CADM2: variants seen among roughly 807,000 people sequenced by gnomAD.
The protein encoded by CADM2 is immunoglobulin superfamily member 4D.
Under a neutral mutation model 49.8 loss-of-function variants are expected in CADM2, and 12 were observed. That is an observed-to-expected ratio of 0.24 (90% CI 0.15 to 0.39). The LOEUF is 0.39. Ranked by LOEUF, CADM2 falls within the 10% of genes least tolerant of loss-of-function variation. CADM2 has a pLI of 1.00. For missense variants in CADM2, 378 were observed against 492.3 expected (o/e 0.77, Z 2.20); for synonymous variants, 214 against 175.4 (o/e 1.22, Z -1.74).
At chr3:85,280,977 C>T (rs1156428126) in intron 1 of CADM2, among the ~76,000 whole-genome samples, 1 of 151,598 alleles carries the variant, frequency 6.6e-6, no homozygotes, top group African/African-American at 2.4e-5. Context: ...ACACAAAGTA[C>T]TCTATTGTAG....
In CADM2 at chr3:85,568,473, C is replaced by CCCTTTCTTTCTTTCTTTCTT. The variant is rs1553743644; in HGVS notation, c.62-158049_62-158048insCCTTTCTTTCTTTCTTTCTT. On this transcript the variant is annotated intron_variant, in intron 1 of 9. Coordinates refer to ENST00000383699, the MANE Select transcript of CADM2 (RefSeq NM_001167675.2). ...TTTCTTTCTTTCTTTCTCTTTCTCTCTCTTTCTTTCTTTCTTTCTTTCTTT... is the reference window on the plus strand; with the variant it reads ...TTTCTTTCTTTCTTTCTCTTTCTCTCCCTTTCTTTCTTTCTTTCTTTCTTTCTTTCTTTCTTTCTTTCTTT... 7.2e-5 allele frequency among the ~76,000 whole-genome samples: 2 copies of CCCTTTCTTTCTTTCTTTCTT among 27,612 alleles called. 1 individual carries two copies. The highest frequency in any genetic ancestry group is 2.2e-4 in the Non-Finnish European group (2 of 8,968). The allele number at this position is 27,612 out of a possible 152,430, so 18.1% of individuals were successfully genotyped here. A position where few individuals can be genotyped will look rare whatever the true frequency, so the allele number is the denominator to read the frequency against.
chr3:85,415,982 A>C (rs1253790197), intron 1 of CADM2, among the ~76,000 whole-genome samples: 1 of 152,128 alleles, frequency 6.6e-6, no homozygotes, highest in Non-Finnish European at 1.5e-5. Context: ...ATGCCAATGC[A>C]ATTTAGAAGC....
Position 85,321,126 on chromosome 3 carries a change from T to A in CADM2, c.61+361458T>A, listed in dbSNP as rs1393163548. Among the ~76,000 whole-genome samples, 67 of 10,130 alleles carry A rather than the reference T, an allele frequency of 6.6e-3. 2 individuals carry two copies. Among genetic ancestry groups the A allele is most frequent in the Middle Eastern group, 0.029 (1 of 34 alleles). 6.6% of individuals were successfully genotyped at this position (10,130 alleles called of 152,430 possible). ...TATATATATATATATATTTTTTTTT[T>A]TTTTTTTTTTTTTTTTTTTTTTTTT... is the stretch of plus-strand genomic sequence containing the variant. On this transcript the variant is annotated intron_variant, in intron 1 of 9. Coordinates refer to ENST00000383699, the MANE Select transcript of CADM2 (RefSeq NM_001167675.2).
chr3:85,241,890 A>G (rs1007033568), intron 1 of CADM2, among the ~76,000 whole-genome samples: 2 of 151,572 alleles, frequency 1.3e-5, no homozygotes, highest in Non-Finnish European at 3.0e-5. Flanking sequence ...AACATATAAT[A>G]AATTTTCTGA....
At chr3:85,329,459 A>G (rs2044851675) in intron 1 of CADM2, among the ~76,000 whole-genome samples, 1 of 151,976 alleles carries the variant, frequency 6.6e-6, no homozygotes, top group Non-Finnish European at 1.5e-5. Flanking sequence ...AATCCCAGCT[A>G]CTTGAGAGGC....
chr3:84,991,264 T>C (rs1037210925), intron 1 of CADM2, among the ~76,000 whole-genome samples: 1 of 147,622 alleles, frequency 6.8e-6, no homozygotes, highest in Non-Finnish European at 1.5e-5. Context: ...CATTGGAATT[T>C]TCCCGAGGGA....
At chr3:84,984,370 A>C (rs964114665) in intron 1 of CADM2, among the ~76,000 whole-genome samples, 5 of 143,002 alleles carry the variant, frequency 3.5e-5, no homozygotes, top group Non-Finnish European at 7.5e-5. Flanking sequence ...AAAAAAAAAA[A>C]AAAAAAAAAA....
At chr3:85,542,079 A>C (rs17517142) in intron 1 of CADM2, among the ~76,000 whole-genome samples, 77,718 of 151,552 alleles carry the variant, frequency 0.51, 22,998 homozygotes, top group East Asian at 0.85. Flanking sequence ...ATGGCAGCTC[A>C]TAACTTTTGC....
At chr3:85,919,340 T>G (rs944527083) in intron 6 of CADM2, among the ~76,000 whole-genome samples, 1 of 151,878 alleles carries the variant, frequency 6.6e-6, no homozygotes, top group Admixed American at 6.6e-5. Flanking sequence ...AGACCCTGCA[T>G]GTACACCCAA....
intron 1 of CADM2, among the ~76,000 whole-genome samples, chr3:85,296,062 G>A (rs1322444992): frequency 1.3e-5 from 2 of 151,752 alleles, no homozygotes; most frequent in Non-Finnish European, 2.9e-5. Flanking sequence ...AATAATAAAA[G>A]CCACTATGAT....
At chr3:85,718,991 C>T (rs2067404040) in intron 1 of CADM2, among the ~76,000 whole-genome samples, 1 of 151,306 alleles carries the variant, frequency 6.6e-6, no homozygotes. Flanking sequence ...CAGTTCACTG[C>T]AACCTCCACT....
chr3:85,586,495 C>A (rs1336479374), intron 1 of CADM2, among the ~76,000 whole-genome samples: 1 of 152,030 alleles, frequency 6.6e-6, no homozygotes, highest in South Asian at 2.1e-4. Context: ...AATACAGTTG[C>A]TATTTCCCAT....
intron 1 of CADM2, among the ~76,000 whole-genome samples, chr3:85,134,934 A>G (rs2039369379): frequency 6.6e-6 from 1 of 152,064 alleles, no homozygotes; most frequent in Non-Finnish European, 1.5e-5. Context: ...ATACTGCTAA[A>G]TTTAAGTAAT....
chr3:85,515,947 G>A (rs1161985120), intron 1 of CADM2, among the ~76,000 whole-genome samples: 1 of 152,056 alleles, frequency 6.6e-6, no homozygotes, highest in African/African-American at 2.4e-5. Context: ...AAACAATAGT[G>A]ACAGCTTTAA....
At chr3:85,608,485 C>T (rs1343169312) in intron 1 of CADM2, among the ~76,000 whole-genome samples, 1 of 152,110 alleles carries the variant, frequency 6.6e-6, no homozygotes, top group African/African-American at 2.4e-5. Context: ...TATTACCTGG[C>T]TTTTGAAACT....
intron 1 of CADM2, among the ~76,000 whole-genome samples, chr3:85,678,776 G>A (rs1457330149): frequency 6.6e-6 from 1 of 152,128 alleles, no homozygotes; most frequent in Non-Finnish European, 1.5e-5. Flanking sequence ...TTCATTAGAT[G>A]ACTCTTATAT....
At chr3:85,354,747 G>A (rs1192755867) in intron 1 of CADM2, among the ~76,000 whole-genome samples, 1 of 151,984 alleles carries the variant, frequency 6.6e-6, no homozygotes, top group East Asian at 1.9e-4. Context: ...CTTATAAAGA[G>A]TTGCAGCTTA....
intron 8 of CADM2, among the ~76,000 whole-genome samples, chr3:85,981,217 A>G (rs1019515832): frequency 6.6e-6 from 1 of 151,526 alleles, no homozygotes; most frequent in Non-Finnish European, 1.5e-5. Flanking sequence ...ATGTAATTTC[A>G]AACCTACACA....
intron 1 of CADM2, among the ~76,000 whole-genome samples, chr3:85,002,534 T>C (rs2033513004): frequency 6.6e-6 from 1 of 152,178 alleles, no homozygotes; most frequent in South Asian, 2.1e-4. Context: ...TTCTCAGATG[T>C]CTTTCAACTA....
Sources: allele counts gnomAD v4.1 joint callset (sites outside exome capture counted in the v4.1 genomes callset), GRCh38; gene constraint gnomAD v4.1.1; transcripts MANE v1.5; gene names NCBI Gene and HGNC (gene_info 2026-07-23, HGNC 2026-07-21).